The following SNAPC3 variants were observed in gnomAD, a reference collection of about 807,000 sequenced individuals.
SNAPC3 encodes small nuclear RNA activating complex polypeptide 3.
A neutral mutation model predicts 47.7 loss-of-function variants in SNAPC3; 56 were observed. That is an observed-to-expected ratio of 1.18 (90% CI 0.95 to 1.47). The LOEUF (loss-of-function observed/expected upper bound fraction) is 1.47. Among genes scored for constraint, SNAPC3 ranks in the 40% most tolerant of loss-of-function variants. SNAPC3 has a pLI of 0.00. For synonymous variants in SNAPC3, 235 were observed against 189.9 expected, an observed-to-expected ratio of 1.24 and a Z score of -1.95; for missense variants, 665 against 511.3, an observed-to-expected ratio of 1.30 and a Z score of -2.90.
At chr9:15,448,649 C>G (rs2034128249) in intron 5 of SNAPC3, among the ~76,000 whole-genome samples, 1 of 152,166 alleles carries the variant, frequency 6.6e-6, no homozygotes, top group African/African-American at 2.4e-5. Flanking sequence ...TAGCATATGG[C>G]TCACATGTAG....
chr9:15,463,761 A>G (rs1016479115), downstream of SNAPC3: 1 of 152,220 alleles, frequency 6.6e-6, no homozygotes, highest in Non-Finnish European at 1.5e-5. Flanking sequence ...AACTAGTTAG[A>G]GCAAGGTCAG....
chr9:15,439,502 A>G (rs571010545), intron 3 of SNAPC3, among the ~76,000 whole-genome samples: 2 of 152,136 alleles, frequency 1.3e-5, no homozygotes, highest in East Asian at 1.9e-4. Flanking sequence ...CTACAAACAC[A>G]TGCCAAAACA....
At chr9:15,445,164 C>A (rs975931156) in intron 4 of SNAPC3, among the ~76,000 whole-genome samples, 1 of 152,164 alleles carries the variant, frequency 6.6e-6, no homozygotes, top group Non-Finnish European at 1.5e-5. Flanking sequence ...CTTGTGCCAT[C>A]TGTTCTAATA....
chr9:15,436,729 G>T (rs1416379781), intron 3 of SNAPC3, among the ~76,000 whole-genome samples: 1 of 151,986 alleles, frequency 6.6e-6, no homozygotes, highest in Non-Finnish European at 1.5e-5. Flanking sequence ...AGATTACTTT[G>T]GGGGAGTATT....
chr9:15,466,341 G>T (rs553702295), downstream of SNAPC3, among the ~76,000 whole-genome samples: 2 of 152,192 alleles, frequency 1.3e-5, no homozygotes, highest in South Asian at 2.1e-4. Context: ...TCGTGCCATT[G>T]CACTCCAGCC....
rs889577699 is a variant in SNAPC3 at position 15,450,321 on chromosome 9, G to C, written c.733-999G>C. On this transcript the variant is annotated intron_variant, in intron 5 of 8. Coordinates refer to ENST00000380821, the MANE Select transcript of SNAPC3 (RefSeq NM_001039697.2). ...GATGCGAACACAAGATAATCTGTAA[G>C]TGGGGGAATGAAGACAAGAAAGAAA... Among the ~76,000 whole-genome samples, 345 of 152,288 alleles carry C rather than the reference G, an allele frequency of 2.3e-3. 4 individuals are homozygous for C. Among genetic ancestry groups the C allele is most frequent in the Non-Finnish European group, 5.4e-4 (37 of 68,032 alleles).
chr9:15,433,498 C>T, intron 2 of SNAPC3, 54 bp from the exon 3 acceptor site: 2 of 1,086,844 alleles, frequency 1.8e-6, no homozygotes, highest in African/African-American at 3.2e-5. Context: ...TTTTTGAAGC[C>T]CGAATAACAA....
At chr9:15,437,860 T>G (rs549895186) in intron 3 of SNAPC3, among the ~76,000 whole-genome samples, 1 of 152,300 alleles carries the variant, frequency 6.6e-6, no homozygotes, top group Admixed American at 6.5e-5. Flanking sequence ...GACAAAAGCC[T>G]TTTCATATGC....
At chr9:15,463,070 TATTA>T (rs1278528581), downstream of SNAPC3, 1 of 152,128 alleles carries the variant, frequency 6.6e-6, no homozygotes, top group African/African-American at 2.4e-5. Flanking sequence ...CTGGATATAA[TATTA>T]ATTATAAAGT....
At position 15,458,080 on chromosome 9, in the gene SNAPC3, G is replaced by GTTT; in HGVS notation, c.1088+14_1088+15insTTT. The GTTT allele has an allele frequency of 1.6e-6, 2 of 1,222,366 alleles. No homozygotes were observed. The highest frequency in any genetic ancestry group is 1.5e-5 in the South Asian group (1 of 65,982). 75.7% of individuals were successfully genotyped at this position (1,222,366 alleles called of 1,614,324 possible). On this transcript the variant is annotated intron_variant, in intron 8 of 8. Coordinates refer to ENST00000380821, the MANE Select transcript of SNAPC3 (RefSeq NM_001039697.2). ...TGTATACAGCCAGGTGAGTGATAAT[G>GTTT]TATTTTTTTTTTTCTCTGAGAAATG...
chr9:15,463,901 ATTACC>A (rs148955421), downstream of SNAPC3: 10,613 of 155,202 alleles, frequency 0.068, 496 homozygotes, highest in African/African-American at 0.14. Flanking sequence ...AAAGATAAAT[ATTACC>A]TTTATTTTTT....
chr9:15,451,359 T>C lies in SNAPC3; in HGVS notation c.772T>C (p.Phe258Leu). Residue 258 changes from phenylalanine (F) to leucine (L), a missense_variant, in exon 6 of 9, where the codon TTT becomes CTT. Physicochemically the swap from Phe to Leu is conservative, Grantham distance 22 (BLOSUM62 0). Transcript: ENST00000380821. ...AGCCTTCTTTTATTTTGAAGGAACA[T>C]TTTATAATGATAAAAGATACCCAGA... ...KSAFFYFEGT[F>L]YNDKRYPECR... 2 of 1,553,426 alleles carry C rather than the reference T, an allele frequency of 1.3e-6. No individual in the cohort carries two copies. Among genetic ancestry groups the C allele is most frequent in the Non-Finnish European group, 1.8e-6 (2 of 1,134,160 alleles).
intron 1 of SNAPC3, 115 bp downstream of exon 1, chr9:15,423,308 G>C: frequency 9.2e-7 from 1 of 1,089,554 alleles, no homozygotes; most frequent in East Asian, 3.0e-5. Context: ...ACCTGGGCTA[G>C]GAGTATTACC....
chr9:15,423,964 A>ATC lies in SNAPC3; in HGVS notation c.370_371insTC (p.Asn124IlefsTer6). On this transcript the variant is annotated frameshift_variant, in exon 2 of 9. Coordinates refer to ENST00000380821, the MANE Select transcript of SNAPC3 (RefSeq NM_001039697.2). LOFTEE classifies it high-confidence loss of function. ...TGAGGATCCAGAAGTCATTCCGGAGAATACTGACCTGGTGACTTTGGGGTA... is the reference window on the plus strand; with the variant it reads ...TGAGGATCCAGAAGTCATTCCGGAGATCATACTGACCTGGTGACTTTGGGGTA... The ATC allele has an allele frequency of 6.3e-7, 1 of 1,583,628 alleles. No individual in the cohort carries two copies.
At chr9:15,443,304 A>G (rs2131866072) in intron 3 of SNAPC3, among the ~76,000 whole-genome samples, 1 of 152,296 alleles carries the variant, frequency 6.6e-6, no homozygotes, top group South Asian at 2.1e-4. Flanking sequence ...TTGACTAGTA[A>G]TTCCAATGTC....
intron 5 of SNAPC3, among the ~76,000 whole-genome samples, chr9:15,449,099 C>G (rs747181017): frequency 2.0e-5 from 3 of 152,162 alleles, no homozygotes; most frequent in Non-Finnish European, 4.4e-5. Flanking sequence ...GTGTGAGCCA[C>G]CGTGCCTGGC....
downstream of SNAPC3, chr9:15,466,631 G>A (rs2035644264): frequency 1.4e-6 from 1 of 720,730 alleles, no homozygotes; most frequent in East Asian, 3.2e-5. Context: ...ACTGAATTCA[G>A]GAATTGGGTG....
chr9:15,436,665 C>G (rs1456290943), intron 3 of SNAPC3, among the ~76,000 whole-genome samples: 2 of 152,022 alleles, frequency 1.3e-5, no homozygotes, highest in Non-Finnish European at 2.9e-5. Flanking sequence ...ATGGGTGTTT[C>G]TATTTTTGGA....
downstream of SNAPC3, chr9:15,462,994 A>AGT (rs2035331182): frequency 6.6e-6 from 1 of 152,116 alleles, no homozygotes; most frequent in South Asian, 2.1e-4. Flanking sequence ...TAACCAGGTA[A>AGT]GTGTATGAGT....
Sources: allele counts gnomAD v4.1 joint callset (sites outside exome capture counted in the v4.1 genomes callset), GRCh38; gene constraint gnomAD v4.1.1; transcripts MANE v1.5; gene names NCBI Gene and HGNC (gene_info 2026-07-23, HGNC 2026-07-21).